Variants in BAIAP2L2 observed in about 807,000 individuals in gnomAD.
BAIAP2L2 encodes the protein BAR/IMD domain-containing adapter protein 2-like 2.
A neutral mutation model predicts 60.4 loss-of-function variants in BAIAP2L2; 65 were observed. The ratio of observed to expected loss-of-function variants is 1.08; its 90% CI spans 0.88 to 1.32. BAIAP2L2 has a LOEUF of 1.32. Among genes scored for constraint, BAIAP2L2 ranks in the 40% most tolerant of loss-of-function variants. BAIAP2L2 has a pLI of 0.00. For synonymous variants in BAIAP2L2, 344 were observed against 301.7 expected (o/e 1.14, Z -1.45); for missense variants, 836 against 741.2 (o/e 1.13, Z -1.48).
At chr22:38,100,767 T>G (rs2086550297) in intron 4 of BAIAP2L2, among the ~76,000 whole-genome samples, 1 of 152,170 alleles carries the variant, frequency 6.6e-6, no homozygotes, top group African/African-American at 2.4e-5. Flanking sequence ...TTACCCAGTC[T>G]CAGGTATTCC....
Position 38,089,181 on chromosome 22 carries a change from G to C in BAIAP2L2, c.816C>G (p.Ser272=), listed in dbSNP as rs769703272. The C allele has an allele frequency of 3.8e-6, 5 of 1,309,324 alleles. No individual in the cohort carries two copies. Among genetic ancestry groups the C allele is most frequent in the Non-Finnish European group, 4.8e-6 (5 of 1,032,342 alleles). The allele number at this position is 1,309,324 out of a possible 1,614,324, so 81.1% of individuals were successfully genotyped here. Residue 272 remains serine, a synonymous_variant, in exon 9 of 14, where the codon TCC becomes TCG. Coordinates refer to ENST00000381669, the MANE Select transcript of BAIAP2L2 (RefSeq NM_025045.6). The stretch of plus-strand genomic sequence containing the variant: ...CGTCGGGCTCGGTGCCGTAGGAGCC[G>C]GAGCCGTGCCGGCTGCGGGGGGAGC... ...EFSSPRSRHG[S]GSYGTEPDAR...
intron 3 of BAIAP2L2, 43 bp from the exon 4 acceptor site, chr22:38,107,956 T>G (rs756519444): frequency 7.5e-6 from 12 of 1,594,314 alleles, no homozygotes; most frequent in Non-Finnish European, 8.6e-7. Flanking sequence ...TGTGGCAGCC[T>G]GCCCCGCCCA....
Position 38,088,745 on chromosome 22 carries a change from C to T in BAIAP2L2, c.1118+3G>A. The stretch of plus-strand genomic sequence containing the variant: ...CCCCGGCCCCTCCAAGGCTCCCACT[C>T]ACGCGGACGAGCCCTCCAGCTTGCC... On this transcript the variant is annotated splice_donor_region_variant and intron_variant, in intron 10 of 13. Coordinates refer to ENST00000381669, the MANE Select transcript of BAIAP2L2 (RefSeq NM_025045.6). 5 of 1,594,956 alleles carry T rather than the reference C, an allele frequency of 3.1e-6. No homozygotes were observed. Among genetic ancestry groups the T allele is most frequent in the Non-Finnish European group, 4.2e-6 (5 of 1,177,144 alleles).
At position 38,107,832 on chromosome 22, in the gene BAIAP2L2, C is replaced by G. The variant is rs763117133; in HGVS notation, c.276+20G>C. 6.2e-7 allele frequency: 1 copy of G among 1,611,508 alleles called. No individual in the cohort carries two copies. Among genetic ancestry groups the G allele is most frequent in the African/African-American group, 1.3e-5 (1 of 74,870 alleles). ...ACTTTCCTCGAGTGACCCCTCCAGG[C>G]CCTGGGGCCTGATACTCACCACCAC... On this transcript the variant is annotated intron_variant, in intron 4 of 13. Transcript: ENST00000381669.
At chr22:38,098,311 A>C in intron 5 of BAIAP2L2, 100 bp downstream of exon 5, 1 of 1,442,986 alleles carries the variant, frequency 6.9e-7, no homozygotes. Flanking sequence ...TCTGGGGCCC[A>C]GTCAGTGCTC....
Position 38,089,081 on chromosome 22 carries a change from G to A in BAIAP2L2, c.901+15C>T. 7.2e-7 allele frequency: 1 copy of A among 1,381,488 alleles called. No individual in the cohort carries two copies. The highest frequency in any genetic ancestry group is 1.6e-5 in the South Asian group (1 of 61,616). The allele number at this position is 1,381,488 out of a possible 1,614,324, so 85.6% of individuals were successfully genotyped here. A position where few individuals can be genotyped will look rare whatever the true frequency, so the allele number is the denominator to read the frequency against. On this transcript the variant is annotated intron_variant, in intron 9 of 13. Coordinates refer to ENST00000381669, the MANE Select transcript of BAIAP2L2 (RefSeq NM_025045.6). ...TCTCCCGGCCCTCCTGCCGCCCCGG[G>A]GCGGGGGCACTCACAGGCCGACGGC... is the stretch of plus-strand genomic sequence containing the variant.
At chr22:38,103,459 A>T (rs989115899) in intron 4 of BAIAP2L2, among the ~76,000 whole-genome samples, 1 of 152,198 alleles carries the variant, frequency 6.6e-6, no homozygotes, top group African/African-American at 2.4e-5. Context: ...AAAAGTAAAA[A>T]CAGGGCTTCA....
intron 1 of BAIAP2L2, among the ~76,000 whole-genome samples, chr22:38,109,607 G>T (rs1301254205): frequency 6.6e-6 from 1 of 152,250 alleles, no homozygotes; most frequent in Middle Eastern, 3.4e-3. Context: ...CGGGCTACAC[G>T]CCTGGGGCTG....
chr22:38,089,103 C>G lies in BAIAP2L2; in HGVS notation c.894G>C (p.Pro298=). 8 of 1,376,128 alleles carry G rather than the reference C, an allele frequency of 5.8e-6. No homozygotes were observed. The highest frequency in any genetic ancestry group is 5.6e-6 in the Non-Finnish European group (6 of 1,071,076). The allele number at this position is 1,376,128 out of a possible 1,614,324, so 85.2% of individuals were successfully genotyped here. The change falls in exon 9 of 14, where the codon CCG becomes CCC. Residue 298 remains proline, a synonymous_variant. Transcript: ENST00000381669. Reference sequence around the variant, plus strand: ...CGGGGCGGGGGCACTCACAGGCCGACGGCGTGCGGGGCAGGGAGCGACGGT... The same window carrying G: ...CGGGGCGGGGGCACTCACAGGCCGAGGGCGTGCGGGGCAGGGAGCGACGGT... ...EPDRRSLPRT[P]SASSLYSGSA... is the part of the protein sequence containing the mutation.
chr22:38,097,163 G>C lies in BAIAP2L2; in HGVS notation c.481C>G (p.Leu161Val). ...VREMKESVNR[L>V]HAQMQAFVSE... ...ACGAAGGCCTGCATCTGTGCGTGCA[G>C]CCGGTTCACACTCTCCTGGGGGGGA... Residue 161 changes from leucine to valine, a missense_variant, in exon 7 of 14, where the codon CTG (leucine) becomes GTG (valine). Leu to Val is a conservative substitution (Grantham distance 32). Coordinates refer to ENST00000381669, the MANE Select transcript of BAIAP2L2 (RefSeq NM_025045.6). The C allele has an allele frequency of 6.2e-7, 1 of 1,613,670 alleles. No homozygotes were observed. The highest frequency in any genetic ancestry group is 8.5e-7 in the Non-Finnish European group (1 of 1,179,998).
chr22:38,095,049 G>A (rs971767833), intron 7 of BAIAP2L2, among the ~76,000 whole-genome samples: 3 of 152,206 alleles, frequency 2.0e-5, no homozygotes, highest in Non-Finnish European at 4.4e-5. Flanking sequence ...CACTTGGGAG[G>A]CTGAGGCAGG....
intron 5 of BAIAP2L2, 57 bp from the exon 6 acceptor site, chr22:38,098,236 A>AC: frequency 3.2e-6 from 5 of 1,571,726 alleles, no homozygotes; most frequent in Non-Finnish European, 4.4e-6. Context: ...AGCTCAAGAC[A>AC]CCCCTCCCAG....
In BAIAP2L2 at chr22:38,087,267, G is replaced by T; in HGVS notation, c.1119-3C>A. On this transcript the variant is annotated splice_polypyrimidine_tract_variant and splice_region_variant and intron_variant, in intron 10 of 13. Transcript: ENST00000381669. ...ACGCCTCGGGGAACCAACCGCTCCT[G>T]TGGGGTAGAGGCAGAGGACAATGAC... 2 of 1,602,124 alleles carry T rather than the reference G, an allele frequency of 1.2e-6. No homozygotes were observed. Among genetic ancestry groups the T allele is most frequent in the Admixed American group, 3.5e-5 (2 of 57,960 alleles).
chr22:38,087,004 AAAAAC>A (rs941118871), intron 11 of BAIAP2L2, 115 bp downstream of exon 11: 71 of 1,277,026 alleles, frequency 5.6e-5, no homozygotes, highest in South Asian at 1.1e-4. Context: ...TCAAAAAAAA[AAAAAC>A]AAAACAAAAC....
rs1569232952 is a variant in BAIAP2L2, at chr22:38,109,200, C to T, written c.60G>A (p.Met20Ile). The T allele has an allele frequency of 1.9e-6, 3 of 1,611,930 alleles. No individual in the cohort carries two copies. The highest frequency in any genetic ancestry group is 2.5e-6 in the Non-Finnish European group (3 of 1,178,516). Reference sequence around the variant, plus strand: ...TCTCCAGGGCGGGGTTAAACTGCTCCATGATGCTCTGGACCCCAGGGTCAG... The same window carrying T: ...TCTCCAGGGCGGGGTTAAACTGCTCTATGATGCTCTGGACCCCAGGGTCAG... ...RSTMAIYKSI[M>I]EQFNPALENL... The change falls in exon 2 of 14, where the codon ATG becomes ATA. Residue 20 changes from methionine to isoleucine, a missense_variant. Transcript: ENST00000381669.
At chr22:38,087,009 C>A (rs132923) in intron 11 of BAIAP2L2, 115 bp downstream of exon 11, 518,513 of 1,095,238 alleles carry the variant, frequency 0.47, 105,587 homozygotes, top group African/African-American at 0.59. Flanking sequence ...AAAAAAAAAA[C>A]AAAACAAAAC....
rs759195108 is a variant in BAIAP2L2 at position 38,088,890 on chromosome 22, C to T, written c.976G>A (p.Ala326Thr). The T allele has an allele frequency of 5.1e-6, 8 of 1,575,456 alleles. No individual in the cohort carries two copies. Among genetic ancestry groups the T allele is most frequent in the East Asian group, 4.6e-5 (2 of 43,632 alleles). ...GAGACCAGGGCGCGGACTCTCCTGGCGCCCCCGCCGCCGCCCGGGCGCTCG... is the reference window on the plus strand; with the variant it reads ...GAGACCAGGGCGCGGACTCTCCTGGTGCCCCCGCCGCCGCCCGGGCGCTCG... ...FGERPGGGGGARRVRALVSHS... is the reference protein window; with the variant it reads ...FGERPGGGGGTRRVRALVSHS... The change falls in exon 10 of 14, where the codon GCC becomes ACC. Residue 326 changes from alanine (A) to threonine (T), a missense_variant. Ala to Thr is a moderately conservative substitution (Grantham distance 58). Transcript: ENST00000381669.
intron 7 of BAIAP2L2, among the ~76,000 whole-genome samples, chr22:38,094,340 C>G (rs2086377620): frequency 6.6e-6 from 1 of 152,140 alleles, no homozygotes; most frequent in African/African-American, 2.4e-5. Context: ...CATGTACAAC[C>G]ACGCTTGGCT....
chr22:38,087,327 G>T, intron 10 of BAIAP2L2, 63 bp from the exon 11 acceptor site: 1 of 1,551,436 alleles, frequency 6.4e-7, no homozygotes, highest in Non-Finnish European at 8.7e-7. Context: ...ATGACCAAAA[G>T]AAGACATCCT....
Sources: allele counts gnomAD v4.1 joint callset (sites outside exome capture counted in the v4.1 genomes callset), GRCh38; gene constraint gnomAD v4.1.1; transcripts MANE v1.5; gene names NCBI Gene and HGNC (gene_info 2026-07-23, HGNC 2026-07-21).